Variants in DCTN4 observed in about 807,000 individuals in gnomAD.
DCTN4 encodes the protein dynactin subunit 4, also known as dynactin 4 (p62).
In DCTN4, 23 loss-of-function variants were observed where a neutral mutation model predicts 62.7. The observed-to-expected ratio is 0.37, with a 90% CI of 0.26 to 0.52. The LOEUF (loss-of-function observed/expected upper bound fraction) is 0.52. DCTN4 is among the 20% of genes least tolerant of loss of function. The probability of loss-of-function intolerance (pLI) is 0.92; values close to 1 mark genes in which losing one functional copy is unlikely to be tolerated. For synonymous variants in DCTN4, 199 were observed against 202.1 expected, an observed-to-expected ratio of 0.98 and a Z score of 0.13; for missense variants, 514 against 580.4, an observed-to-expected ratio of 0.89 and a Z score of 1.18.
chr5:150,731,536 C>A (rs1199471637), intron 5 of DCTN4, 47 bp from the exon 6 acceptor site: 1 of 1,454,032 alleles, frequency 6.9e-7, no homozygotes, highest in African/African-American at 1.4e-5. Context: ...CTTTTACACA[C>A]CCTATTTATC....
intron 3 of DCTN4, among the ~76,000 whole-genome samples, chr5:150,744,890 CA>C (rs1760904515): frequency 6.6e-6 from 1 of 151,264 alleles, no homozygotes; most frequent in Non-Finnish European, 1.5e-5. Flanking sequence ...AACTAACGAG[CA>C]AAATAACCAG....
chr5:150,747,769 C>T (rs1463129432), intron 3 of DCTN4, among the ~76,000 whole-genome samples: 4 of 149,530 alleles, frequency 2.7e-5, no homozygotes, highest in Non-Finnish European at 5.9e-5. Context: ...CCCTTCCTTA[C>T]ACCTTATACA....
chr5:150,756,438 T>C lies in DCTN4; in HGVS notation c.185A>G (p.Glu62Gly). Residue 62 changes from glutamate to glycine, a missense_variant, in exon 2 of 13, where the codon GAA becomes GGA. Transcript: ENST00000447998. ...TTACCTATTCTTTTTTAGTTTGGCT[T>C]CAGCCGATGGCATATTTTCTAAACA... ...PSCLENMPSA[E>G]AKLKKNRCAN... The C allele has an allele frequency of 6.2e-7, 1 of 1,603,298 alleles. No individual in the cohort carries two copies. Among genetic ancestry groups the C allele is most frequent in the Non-Finnish European group, 8.5e-7 (1 of 1,175,854 alleles).
chr5:150,749,025 A>G (rs1050899037), intron 3 of DCTN4, among the ~76,000 whole-genome samples: 7 of 152,166 alleles, frequency 4.6e-5, no homozygotes, highest in African/African-American at 1.7e-4. Context: ...ACATGGGTAG[A>G]TCTTAGTGAC....
At chr5:150,737,509 T>C (rs1447599282) in intron 4 of DCTN4, among the ~76,000 whole-genome samples, 2 of 151,550 alleles carry the variant, frequency 1.3e-5, no homozygotes, top group African/African-American at 4.9e-5. Flanking sequence ...AATCTCCTTC[T>C]GAATGATCAC....
At chr5:150,741,087 C>T (rs1760751370) in intron 4 of DCTN4, among the ~76,000 whole-genome samples, 1 of 147,472 alleles carries the variant, frequency 6.8e-6, no homozygotes, top group Non-Finnish European at 1.5e-5. Flanking sequence ...ATTGCTTAAG[C>T]CTGGGAGGTT....
intron 4 of DCTN4, among the ~76,000 whole-genome samples, chr5:150,739,012 G>T (rs1760678508): frequency 6.6e-6 from 1 of 151,922 alleles, no homozygotes; most frequent in South Asian, 2.1e-4. Flanking sequence ...TGGCCAACAT[G>T]GTAAAACCCC....
At position 150,718,327 on chromosome 5, in the gene DCTN4, A is replaced by G; in HGVS notation, c.1020T>C (p.Thr340=). The G allele has an allele frequency of 6.2e-7, 1 of 1,614,092 alleles. No individual in the cohort carries two copies. The highest frequency in any genetic ancestry group is 1.1e-5 in the South Asian group (1 of 91,064). The change falls in exon 11 of 13, where the codon ACT becomes ACC. Residue 340 remains threonine, a synonymous_variant. Transcript: ENST00000447998. Reference sequence around the variant, plus strand: ...GGTCCCCCTCCTCACACTCGAAGAGAGTCACATGGGTGAGGTTCTCAACTG... The same window carrying G: ...GGTCCCCCTCCTCACACTCGAAGAGGGTCACATGGGTGAGGTTCTCAACTG... ...TNPVENLTHV[T]LFECEEGDPD...
intron 12 of DCTN4, among the ~76,000 whole-genome samples, chr5:150,714,405 G>C (rs1759681945): frequency 6.6e-6 from 1 of 151,698 alleles, no homozygotes; most frequent in Non-Finnish European, 1.5e-5. Context: ...TTGAGACAGG[G>C]TATCACTCTG....
intron 10 of DCTN4, among the ~76,000 whole-genome samples, chr5:150,719,162 C>T (rs1289587457): frequency 6.6e-6 from 1 of 152,178 alleles, no homozygotes; most frequent in Non-Finnish European, 1.5e-5. Flanking sequence ...GATAATTTGT[C>T]CTTGTTTGGT....
chr5:150,713,628 G>C (rs7708824), intron 12 of DCTN4, among the ~76,000 whole-genome samples: 5,282 of 150,982 alleles, frequency 0.035, 321 homozygotes, highest in African/African-American at 0.12. Context: ...ATTTTTAGTA[G>C]AGACAGGATT....
At chr5:150,755,912 T>C (rs1240131094) in intron 2 of DCTN4, among the ~76,000 whole-genome samples, 3 of 152,174 alleles carry the variant, frequency 2.0e-5, no homozygotes, top group Admixed American at 6.5e-5. Context: ...ATCTTCACCA[T>C]AATTCTGAAG....
In DCTN4 at chr5:150,718,293, TATC is replaced by T. The variant is rs780898858; in HGVS notation, c.1051_1053del (p.Asp351del). On this transcript the variant is annotated inframe_deletion, in exon 11 of 13. Coordinates refer to ENST00000447998, the MANE Select transcript of DCTN4 (RefSeq NM_016221.4). Reference sequence around the variant, plus strand: ...GCTCCTACCTTAGCAGTGCTGTTGATATCATCAGGGTCCCCCTCCTCACACTCG... The same window carrying T: ...GCTCCTACCTTAGCAGTGCTGTTGATATCAGGGTCCCCCTCCTCACACTCG... 4.3e-6 allele frequency: 7 copies of T among 1,613,532 alleles called. No individual in the cohort carries two copies. The African/African-American group carries it at 8.0e-5, about 18-fold the overall frequency.
In DCTN4 at chr5:150,709,920, T is replaced by C. The variant is rs1426470868; in HGVS notation, c.*1229A>G. 1 of 152,356 alleles carries C rather than the reference T, an allele frequency of 6.6e-6. No individual in the cohort carries two copies. Among genetic ancestry groups the C allele is most frequent in the Non-Finnish European group, 1.5e-5 (1 of 68,046 alleles). 9.4% of individuals were successfully genotyped at this position (152,356 alleles called of 1,614,324 possible). On this transcript the variant is annotated 3_prime_UTR_variant, in exon 13 of 13. Transcript: ENST00000447998. ...CAGCTGGTGGTCTACTTTATCAAGT[T>C]TCATTTTAGAAAACATCATAGAAAT...
chr5:150,729,738 C>T (rs1227740297), intron 8 of DCTN4, among the ~76,000 whole-genome samples: 1 of 152,062 alleles, frequency 6.6e-6, no homozygotes, highest in Non-Finnish European at 1.5e-5. Flanking sequence ...TCTCCTGCCT[C>T]AGCTTCCAGA....
At chr5:150,743,306 TA>T (rs151071290) in intron 3 of DCTN4, 16 of 155,742 alleles carry the variant, frequency 1.0e-4, no homozygotes, top group South Asian at 2.0e-4. Flanking sequence ...CTTGCTTAGG[TA>T]AAAAAAAGCA....
intron 3 of DCTN4, among the ~76,000 whole-genome samples, chr5:150,748,985 G>C (rs1752566860): frequency 6.6e-6 from 1 of 152,100 alleles, no homozygotes; most frequent in East Asian, 1.9e-4. Context: ...TTAAATGTAA[G>C]TGTTAAAACT....
intron 9 of DCTN4, among the ~76,000 whole-genome samples, chr5:150,720,930 C>T (rs1053227694): frequency 6.6e-6 from 1 of 152,172 alleles, no homozygotes; most frequent in Non-Finnish European, 1.5e-5. Flanking sequence ...AGGAGTTCAT[C>T]CCAGACTTCA....
chr5:150,721,185 T>C (rs1759945351), intron 9 of DCTN4, among the ~76,000 whole-genome samples: 1 of 152,194 alleles, frequency 6.6e-6, no homozygotes, highest in Admixed American at 6.5e-5. Flanking sequence ...AGACATGCAC[T>C]TCCCAACCTT....
Sources: allele counts gnomAD v4.1 joint callset (sites outside exome capture counted in the v4.1 genomes callset), GRCh38; gene constraint gnomAD v4.1.1; transcripts MANE v1.5; gene names NCBI Gene and HGNC (gene_info 2026-07-23, HGNC 2026-07-21).